Variants in PARD3B observed in about 807,000 individuals in gnomAD.
PARD3B encodes par-3 family cell polarity regulator beta, also known as partitioning defective 3 homolog B.
PARD3B carries 103 observed loss-of-function variants against 130.2 expected under a neutral mutation model. That is an observed-to-expected ratio of 0.79 (90% CI 0.67 to 0.93). PARD3B has a LOEUF of 0.93. PARD3B is among the 40% of genes least tolerant of loss of function. The pLI, the probability that PARD3B is intolerant of heterozygous loss-of-function variation, is 0.00. For synonymous variants in PARD3B, 583 were observed against 553.2 expected (o/e 1.05, Z -0.76); for missense variants, 1,609 against 1,499.2 (o/e 1.07, Z -1.21).
At chr2:205,338,216 A>G (rs575753543) in intron 18 of PARD3B, among the ~76,000 whole-genome samples, 1 of 151,654 alleles carries the variant, frequency 6.6e-6, no homozygotes, top group Non-Finnish European at 1.5e-5. Flanking sequence ...TGATGGGGAA[A>G]GATTGTAGCA....
intron 2 of PARD3B, among the ~76,000 whole-genome samples, chr2:204,896,379 T>C (rs2046640550): frequency 6.6e-6 from 1 of 152,200 alleles, no homozygotes; most frequent in Non-Finnish European, 1.5e-5. Context: ...TGCATATTGA[T>C]GATGTGAAGC....
chr2:205,407,828 CAT>C lies in PARD3B; in HGVS notation c.2741+6706_2741+6707del, dbSNP rs1481728181. ...AAAATTGAAAAAAAAATTTTAATAA[CAT>C]GAGTTATATACTCCAAAATCTTCCA... On this transcript the variant is annotated intron_variant, in intron 19 of 22. Coordinates refer to ENST00000406610, the MANE Select transcript of PARD3B (RefSeq NM_001302769.2). The surrounding 1 kb of genome is among the most constrained non-coding windows in gnomAD (Gnocchi z 4.1). 6.6e-6 allele frequency among the ~76,000 whole-genome samples: 1 copy of C among 152,062 alleles called. No individual in the cohort carries two copies. The highest frequency in any genetic ancestry group is 1.5e-5 in the Non-Finnish European group (1 of 68,006).
chr2:204,697,038 A>T (rs1181482573), intron 2 of PARD3B, among the ~76,000 whole-genome samples: 1 of 152,134 alleles, frequency 6.6e-6, no homozygotes, highest in Non-Finnish European at 1.5e-5. Context: ...AAATAATATG[A>T]TTTGAGATTA....
At chr2:204,582,474 A>G (rs138560380) in intron 1 of PARD3B, among the ~76,000 whole-genome samples, 2,078 of 148,982 alleles carry the variant, frequency 0.014, 29 homozygotes, top group Middle Eastern at 0.045. Flanking sequence ...AAAGAAGGGA[A>G]ACAAGTTTGA....
rs186977576 is a variant in PARD3B at position 204,707,180 on chromosome 2, A to C, written c.222+20898A>C. Among the ~76,000 whole-genome samples, 515 of 152,280 alleles carry C rather than the reference A, an allele frequency of 3.4e-3. 3 individuals are homozygous for C. The highest frequency in any genetic ancestry group is 0.012 in the African/African-American group (486 of 41,552). On this transcript the variant is annotated intron_variant, in intron 2 of 22. Transcript: ENST00000406610. ...TCTGTGCACTCTCCTACACATGCAT[A>C]TGTGTGCTCTAATGCCCAGCAACCT...
chr2:205,238,892 A>ATATATATATATATGTATGTGTG (rs1559575178), intron 15 of PARD3B, among the ~76,000 whole-genome samples: 2 of 114,188 alleles, frequency 1.8e-5, no homozygotes, highest in African/African-American at 6.5e-5. Flanking sequence ...GTGTGTATAT[A>ATATATATATATATGTATGTGTG]TATATATATA....
intron 16 of PARD3B, among the ~76,000 whole-genome samples, chr2:205,283,666 C>CT (rs1443789043): frequency 6.6e-6 from 1 of 152,136 alleles, no homozygotes; most frequent in Non-Finnish European, 1.5e-5. Flanking sequence ...CACACTCCTC[C>CT]TATTGAATAA....
At chr2:204,783,758 T>G (rs1025500766) in intron 2 of PARD3B, among the ~76,000 whole-genome samples, 5 of 152,100 alleles carry the variant, frequency 3.3e-5, no homozygotes, top group African/African-American at 7.2e-5. Context: ...GAGTTGAGAT[T>G]CAAACCTAAG....
chr2:204,800,142 G>A (rs2042515857), intron 2 of PARD3B, among the ~76,000 whole-genome samples: 1 of 152,078 alleles, frequency 6.6e-6, no homozygotes, highest in Non-Finnish European at 1.5e-5. Context: ...GCACAGAGAA[G>A]GAATTCAGAA....
At chr2:205,381,944 T>G (rs1043503431) in intron 18 of PARD3B, among the ~76,000 whole-genome samples, 7 of 152,090 alleles carry the variant, frequency 4.6e-5, no homozygotes, top group Non-Finnish European at 7.4e-5. Context: ...TTAAAACTTT[T>G]TCAGTTTTAG....
chr2:205,009,450 T>C (rs1185656415), intron 3 of PARD3B, among the ~76,000 whole-genome samples: 3 of 151,988 alleles, frequency 2.0e-5, no homozygotes, highest in Non-Finnish European at 4.4e-5. Context: ...GGCGGGTGGA[T>C]CACAAGGTCA....
intron 2 of PARD3B, among the ~76,000 whole-genome samples, chr2:204,883,453 A>ATTTTTTTT (rs1255418062): frequency 6.1e-5 from 6 of 98,042 alleles, no homozygotes; most frequent in East Asian, 3.1e-4. Context: ...ATATATATAT[A>ATTTTTTTT]TATTTTTTTT....
At chr2:205,355,458 C>T (rs2044158327) in intron 18 of PARD3B, among the ~76,000 whole-genome samples, 1 of 152,096 alleles carries the variant, frequency 6.6e-6, no homozygotes, top group South Asian at 2.1e-4. Flanking sequence ...TCTTTATGAT[C>T]AAATATCTTT....
At chr2:204,842,816 A>T (rs993513022) in intron 2 of PARD3B, among the ~76,000 whole-genome samples, 2 of 152,064 alleles carry the variant, frequency 1.3e-5, no homozygotes, top group African/African-American at 4.8e-5. Context: ...CTTTCTCTAG[A>T]GCTGAGTCAC....
chr2:204,585,638 C>G (rs2032785019), intron 1 of PARD3B, among the ~76,000 whole-genome samples: 2 of 151,996 alleles, frequency 1.3e-5, no homozygotes. Context: ...GACACCACAC[C>G]AGTCTAATGG....
chr2:204,808,760 C>A (rs2042862364), intron 2 of PARD3B, among the ~76,000 whole-genome samples: 1 of 152,080 alleles, frequency 6.6e-6, no homozygotes, highest in Non-Finnish European at 1.5e-5. Context: ...GATTCCATTT[C>A]TTTGCTATTG....
chr2:205,284,198 T>A (rs940120463), intron 16 of PARD3B, among the ~76,000 whole-genome samples: 1 of 152,226 alleles, frequency 6.6e-6, no homozygotes, highest in African/African-American at 2.4e-5. Context: ...TCGTTCCATC[T>A]TGCACCTCTA....
chr2:205,012,594 C>A (rs1428490111), intron 3 of PARD3B, among the ~76,000 whole-genome samples: 1 of 152,162 alleles, frequency 6.6e-6, no homozygotes, highest in African/African-American at 2.4e-5. Flanking sequence ...GCTTAGAATT[C>A]TGAGGATTTT....
chr2:205,389,180 A>T (rs762441728), intron 18 of PARD3B, among the ~76,000 whole-genome samples: 12 of 152,070 alleles, frequency 7.9e-5, no homozygotes, highest in Non-Finnish European at 1.2e-4. Context: ...GTTCCATTTT[A>T]TGGCCTACTT....
Sources: allele counts gnomAD v4.1 joint callset (sites outside exome capture counted in the v4.1 genomes callset), GRCh38; gene constraint gnomAD v4.1.1; non-coding constraint Gnocchi (gnomAD v3.1); transcripts MANE v1.5; gene names NCBI Gene and HGNC (gene_info 2026-07-23, HGNC 2026-07-21).